The following ZZEF1 variants were observed in gnomAD, a reference collection of about 807,000 sequenced individuals.
The protein encoded by ZZEF1 is zinc finger ZZ-type and EF-hand domain containing 1.
ZZEF1 carries 157 observed loss-of-function variants against 342.8 expected under a neutral mutation model. That is an observed-to-expected ratio of 0.46 (90% CI 0.40 to 0.52). ZZEF1 has a LOEUF of 0.52. Among genes scored for constraint, ZZEF1 ranks in the 20% least tolerant of loss-of-function variants. ZZEF1 has a pLI of 0.00. For missense variants in ZZEF1, 3,480 were observed against 3,725.6 expected, an observed-to-expected ratio of 0.93 and a Z score of 1.72; for synonymous variants, 1,505 against 1,429.1, an observed-to-expected ratio of 1.05 and a Z score of -1.20.
chr17:4,093,134 A>C (rs1416295057), intron 11 of ZZEF1, among the ~76,000 whole-genome samples: 3 of 152,130 alleles, frequency 2.0e-5, no homozygotes, highest in African/African-American at 7.2e-5. Context: ...TTTAGGTTAA[A>C]AAAAAATCAT....
rs116761618 is a variant in ZZEF1, at chr17:4,100,198, C to T, written c.1672+2119G>A. On this transcript the variant is annotated intron_variant, in intron 9 of 54. Transcript: ENST00000381638. ...TCCGATAAGGGGAAGAAAAAATCAC[C>T]CCCAAACCCAACAGCTCTGGCCATG... Among the ~76,000 whole-genome samples, 1,004 of 152,242 alleles carry T rather than the reference C, an allele frequency of 6.6e-3. 14 individuals are homozygous for T. The highest frequency in any genetic ancestry group is 0.023 in the African/African-American group (950 of 41,534).
rs955725468 is a variant in ZZEF1 at position 4,085,696 on chromosome 17, G to T, written c.2620C>A (p.Arg874=). Reference sequence around the variant, plus strand: ...ATCATGGTGAAGAGATGGTTCCGTCGGGTCTGTCGATTAGGAAAGAAGATG... The same window carrying T: ...ATCATGGTGAAGAGATGGTTCCGTCTGGTCTGTCGATTAGGAAAGAAGATG... ...AAIFFPNRQT[R]RNHLFTMMNV... Residue 874 remains arginine, a synonymous_variant, in exon 16 of 55, where the codon CGA becomes AGA. Transcript: ENST00000381638. The T allele has an allele frequency of 6.2e-7, 1 of 1,613,958 alleles. No individual in the cohort carries two copies. Among genetic ancestry groups the T allele is most frequent in the African/African-American group, 1.3e-5 (1 of 74,892 alleles).
intron 13 of ZZEF1, among the ~76,000 whole-genome samples, chr17:4,087,783 A>AACACACACACACAC (rs10522603): frequency 0.014 from 2,070 of 145,994 alleles, 46 homozygotes; most frequent in African/African-American, 0.033. Flanking sequence ...ATATACACAC[A>AACACACACACACAC]ACACACACAC....
At chr17:4,009,890 A>T in intron 52 of ZZEF1, 133 bp from the exon 53 acceptor site, 1 of 1,048,160 alleles carries the variant, frequency 9.5e-7, no homozygotes, top group Non-Finnish European at 1.4e-6. Flanking sequence ...AAGTCGCCTC[A>T]CCTATGCTCC....
At position 4,006,594 on chromosome 17, in the gene ZZEF1, C is replaced by A. The variant is rs1000373453; in HGVS notation, c.*296G>T. On this transcript the variant is annotated 3_prime_UTR_variant, in exon 55 of 55. Coordinates refer to ENST00000381638, the MANE Select transcript of ZZEF1 (RefSeq NM_015113.4). ...CCAAGTCTTCCCAGGCCCACGGCTCCTGCAGTGACAGCCTCTGGAGAAGGC... is the reference window on the plus strand; with the variant it reads ...CCAAGTCTTCCCAGGCCCACGGCTCATGCAGTGACAGCCTCTGGAGAAGGC... The A allele has an allele frequency of 2.3e-6, 1 of 436,324 alleles. No individual in the cohort carries two copies. Among genetic ancestry groups the A allele is most frequent in the Non-Finnish European group, 4.2e-6 (1 of 237,316 alleles). 27.0% of individuals were successfully genotyped at this position (436,324 alleles called of 1,614,324 possible).
intron 17 of ZZEF1, 61 bp from the exon 18 acceptor site, chr17:4,081,551 T>A: frequency 7.2e-7 from 1 of 1,388,052 alleles, no homozygotes; most frequent in Non-Finnish European, 1.0e-6. Flanking sequence ...TATACTATTT[T>A]AAAAGATTCC....
chr17:4,045,110 C>T (rs555559207), intron 37 of ZZEF1, among the ~76,000 whole-genome samples: 13 of 151,990 alleles, frequency 8.6e-5, no homozygotes, highest in African/African-American at 2.9e-4. Flanking sequence ...GCCGAGATTG[C>T]GCCACTGCAC....
Position 4,064,414 on chromosome 17 carries a change from A to C in ZZEF1, c.4665T>G (p.Pro1555=), listed in dbSNP as rs200194919. The C allele has an allele frequency of 2.5e-6, 4 of 1,612,026 alleles. No homozygotes were observed. The East Asian group carries it at 8.9e-5, about 36-fold the overall frequency. The change falls in exon 29 of 55, where the codon CCT becomes CCG. Residue 1555 remains proline (P), a synonymous_variant. Transcript: ENST00000381638. ...TGAAGTCCATGACGTCCTTCAGCACAGGGTATTTCTCTTTCACTGTGGGCA... is the reference window on the plus strand; with the variant it reads ...TGAAGTCCATGACGTCCTTCAGCACCGGGTATTTCTCTTTCACTGTGGGCA... ...RLVPTVKEKY[P]VLKDVMDFIK...
At chr17:4,036,482 C>T (rs1567781662) in intron 39 of ZZEF1, among the ~76,000 whole-genome samples, 1 of 152,042 alleles carries the variant, frequency 6.6e-6, no homozygotes, top group African/African-American at 2.4e-5. Flanking sequence ...CGCCTGTAAT[C>T]CCAGCACTTT....
chr17:4,093,593 G>A (rs769356519), intron 11 of ZZEF1, among the ~76,000 whole-genome samples: 1 of 152,104 alleles, frequency 6.6e-6, no homozygotes, highest in Non-Finnish European at 1.5e-5. Context: ...AGAATCTCCC[G>A]AGAGCCTGTA....
At position 4,042,546 on chromosome 17, in the gene ZZEF1, T is replaced by TA; in HGVS notation, c.6188_6189insT (p.Ser2064IlefsTer15). The TA allele has an allele frequency of 6.2e-7, 1 of 1,612,984 alleles. No homozygotes were observed. ...CTTTTTCCTCTATGGGCTTCTGAGA[T>TA]GACACTTCTGAATCTTCAGCATCTA... On this transcript the variant is annotated frameshift_variant, in exon 39 of 55. Transcript: ENST00000381638. LOFTEE classifies it high-confidence loss of function.
At chr17:4,101,637 G>A (rs575116513) in intron 9 of ZZEF1, among the ~76,000 whole-genome samples, 1 of 151,190 alleles carries the variant, frequency 6.6e-6, no homozygotes, top group South Asian at 2.1e-4. Context: ...GTTTTGTTTT[G>A]TTTTTTTGAA....
intron 45 of ZZEF1, 184 bp from the exon 46 acceptor site, chr17:4,019,953 CCTACA>C: frequency 2.0e-6 from 1 of 505,366 alleles, no homozygotes; most frequent in Non-Finnish European, 3.4e-6. Context: ...GACTATAACA[CCTACA>C]CTACGACTGT....
rs2057232846 is a variant in ZZEF1, at chr17:4,059,205, T to C, written c.4969A>G (p.Lys1657Glu). 6.2e-7 allele frequency: 1 copy of C among 1,606,470 alleles called. No homozygotes were observed. Among genetic ancestry groups the C allele is most frequent in the Middle Eastern group, 1.7e-4 (1 of 6,050 alleles). Residue 1657 changes from lysine (K) to glutamate (E), a missense_variant, in exon 31 of 55, where the codon AAA becomes GAA. By Grantham distance (56) the Lys-to-Glu change is moderately conservative (BLOSUM62 1). Around this residue, in one of 5 missense-constraint regions of ZZEF1, gnomAD observed 1,528 missense variants for 1,624.1 expected, o/e 0.94. Transcript: ENST00000381638. ...TYYQLVLFLV[K>E]AVKGFSSLND... ...AGGCTACTAAATCCTTTAACTGCTT[T>C]GACCAAAAACAGAACAAGTTGATAG...
intron 1 of ZZEF1, among the ~76,000 whole-genome samples, chr17:4,139,556 A>G (rs1007078198): frequency 5.3e-5 from 8 of 152,234 alleles, no homozygotes; most frequent in Admixed American, 5.2e-4. Context: ...CTGTGTAAGT[A>G]TGCACAAAAG....
rs754985234 is a variant in ZZEF1, at chr17:4,024,186, GTTTTTTTT to G, written c.7092+725_7092+732del. On this transcript the variant is annotated intron_variant, in intron 43 of 54. Coordinates refer to ENST00000381638, the MANE Select transcript of ZZEF1 (RefSeq NM_015113.4). ...CATCTCCATGCCAAATATTGCCCAGGTTTTTTTTTTTTTTTTTTTTTTTTTTTTACAGA... is the reference window on the plus strand; with the variant it reads ...CATCTCCATGCCAAATATTGCCCAGGTTTTTTTTTTTTTTTTTTTTACAGA... 1.2e-3 allele frequency among the ~76,000 whole-genome samples: 115 copies of G among 94,428 alleles called. 1 individual carries two copies. The highest frequency in any genetic ancestry group is 4.2e-3 in the South Asian group (11 of 2,614). 61.9% of individuals were successfully genotyped at this position (94,428 alleles called of 152,430 possible). A position where few individuals can be genotyped will look rare whatever the true frequency, so the allele number is the denominator to read the frequency against.
intron 6 of ZZEF1, among the ~76,000 whole-genome samples, chr17:4,106,956 GC>G (rs1443926097): frequency 6.6e-6 from 1 of 152,158 alleles, no homozygotes; most frequent in African/African-American, 2.4e-5. Flanking sequence ...CTCGCACTCT[GC>G]CCTAGTTCTG....
At chr17:4,101,771 T>C (rs1336576524) in intron 9 of ZZEF1, among the ~76,000 whole-genome samples, 1 of 152,076 alleles carries the variant, frequency 6.6e-6, no homozygotes, top group Admixed American at 6.6e-5. Context: ...GAATTACAGG[T>C]GCCCTGCCAC....
chr17:4,040,862 C>A (rs2056787398), intron 39 of ZZEF1, among the ~76,000 whole-genome samples: 1 of 152,138 alleles, frequency 6.6e-6, no homozygotes, highest in African/African-American at 2.4e-5. Flanking sequence ...TTGGTAAAAT[C>A]AACATAAAAA....
Sources: gnomAD v4.1 joint callset for allele counts (sites outside exome capture counted in the v4.1 genomes callset) on GRCh38, gnomAD v4.1.1 for gene constraint, gnomAD v4.1.1 regional missense constraint, MANE v1.5 for transcripts, NCBI Gene and HGNC (gene_info 2026-07-23, HGNC 2026-07-21) for gene names.